GABRG3: variants seen among roughly 807,000 people sequenced by gnomAD.
GABRG3 encodes the protein gamma-aminobutyric acid receptor subunit gamma-3.
In GABRG3, 25 loss-of-function variants were observed where a neutral mutation model predicts 48.8. The observed-to-expected ratio is 0.51, with a 90% CI of 0.37 to 0.72. GABRG3 has a LOEUF of 0.72. Ranked by LOEUF, GABRG3 falls within the 30% of genes least tolerant of loss-of-function variation. The pLI is 0.00. For synonymous variants in GABRG3, 227 were observed against 217.6 expected (o/e 1.04, Z -0.38); for missense variants, 394 against 577.9 (o/e 0.68, Z 3.26).
At chr15:27,393,628 G>A (rs55822510) in intron 5 of GABRG3, among the ~76,000 whole-genome samples, 14,559 of 152,140 alleles carry the variant, frequency 0.096, 743 homozygotes, top group East Asian at 0.15. Flanking sequence ...ATAGAATCCT[G>A]GCTTTCCATT....
At chr15:27,222,473 C>G (rs1004642515) in intron 3 of GABRG3, among the ~76,000 whole-genome samples, 2 of 152,204 alleles carry the variant, frequency 1.3e-5, no homozygotes, top group Non-Finnish European at 2.9e-5. Flanking sequence ...CACAAGCAAA[C>G]TCCTTATTTT....
chr15:27,100,322 A>G (rs1194976512), intron 3 of GABRG3, among the ~76,000 whole-genome samples: 1 of 152,202 alleles, frequency 6.6e-6, no homozygotes, highest in Non-Finnish European at 1.5e-5. Context: ...CCGATTAAGT[A>G]ATTGAATTAG....
chr15:27,079,447 A>T (rs1273919147), intron 3 of GABRG3, among the ~76,000 whole-genome samples: 1 of 152,210 alleles, frequency 6.6e-6, no homozygotes, highest in Non-Finnish European at 1.5e-5. Context: ...TGTGATTTTC[A>T]TACAGAAGCC....
chr15:27,128,991 A>G (rs967121726), intron 3 of GABRG3, among the ~76,000 whole-genome samples: 1 of 152,234 alleles, frequency 6.6e-6, no homozygotes, highest in African/African-American at 2.4e-5. Flanking sequence ...ACTAAAAATA[A>G]TTTAAGTCAA....
intron 5 of GABRG3, among the ~76,000 whole-genome samples, chr15:27,348,096 C>T (rs961641671): frequency 1.4e-5 from 2 of 142,480 alleles, no homozygotes; most frequent in African/African-American, 5.4e-5. Flanking sequence ...GCGGAGGTCA[C>T]AGTGAGCCGA....
At chr15:27,172,262 A>G (rs185243574) in intron 3 of GABRG3, among the ~76,000 whole-genome samples, 17 of 152,268 alleles carry the variant, frequency 1.1e-4, no homozygotes, top group Admixed American at 1.1e-3. Context: ...CATGGAAGGA[A>G]GTGTTATGAT....
In GABRG3 at chr15:27,241,969, A is replaced by T. The variant is rs550390687; in HGVS notation, c.271-84840A>T. On this transcript the variant is annotated intron_variant, in intron 3 of 9. Coordinates refer to ENST00000615808, the MANE Select transcript of GABRG3 (RefSeq NM_033223.5). ...GACTGAATATCAGTGGCTTAACCAT[A>T]CAAGTGGTTATTCTTCCAGAGGATG... Among the ~76,000 whole-genome samples, 89 of 152,354 alleles carry T rather than the reference A, an allele frequency of 5.8e-4. 1 individual carries two copies. The highest frequency in any genetic ancestry group is 6.8e-3 in the Middle Eastern group (2 of 294).
intron 5 of GABRG3, among the ~76,000 whole-genome samples, chr15:27,369,697 C>T (rs1429571737): frequency 6.6e-6 from 1 of 150,734 alleles, no homozygotes; most frequent in East Asian, 2.0e-4. Context: ...GTCCCAGCTA[C>T]TCAGGAGGCT....
intron 3 of GABRG3, among the ~76,000 whole-genome samples, chr15:27,161,482 G>A (rs6606880): frequency 6.6e-6 from 1 of 151,930 alleles, no homozygotes; most frequent in African/African-American, 2.4e-5. Flanking sequence ...GTCTGCATAC[G>A]TTTTTAATGA....
At position 27,540,666 on chromosome 15, in the gene GABRG3, C is replaced by T. The variant is rs1300847084; in HGVS notation, c.*7785C>T. ...TTTACCTGCTCACACGTTTGTACAA[C>T]TACACAATGTGTTTTCCTTTACGTG... On this transcript the variant is annotated 3_prime_UTR_variant, in exon 10 of 10. Coordinates refer to ENST00000615808, the MANE Select transcript of GABRG3 (RefSeq NM_033223.5). 1 of 152,222 alleles carries T rather than the reference C, an allele frequency of 6.6e-6. No individual in the cohort carries two copies. The highest frequency in any genetic ancestry group is 2.4e-5 in the African/African-American group (1 of 41,448). The allele number at this position is 152,222 out of a possible 1,614,324, so 9.4% of individuals were successfully genotyped here.
At chr15:27,309,503 T>TA (rs1595666984) in intron 3 of GABRG3, among the ~76,000 whole-genome samples, 1 of 151,900 alleles carries the variant, frequency 6.6e-6, no homozygotes, top group East Asian at 1.9e-4. Flanking sequence ...AAAAACTTGG[T>TA]AAAAGGCATG....
intron 3 of GABRG3, among the ~76,000 whole-genome samples, chr15:27,292,104 A>G (rs1031361743): frequency 2.0e-5 from 3 of 152,194 alleles, no homozygotes; most frequent in Admixed American, 2.0e-4. Flanking sequence ...ATGTCCCTGC[A>G]AAGGACATGA....
intron 3 of GABRG3, among the ~76,000 whole-genome samples, chr15:27,090,254 A>T (rs1052893992): frequency 2.0e-5 from 3 of 152,238 alleles, no homozygotes; most frequent in Non-Finnish European, 2.9e-5. Flanking sequence ...AGGCTAATAA[A>T]GAGCTCTGAG....
intron 3 of GABRG3, among the ~76,000 whole-genome samples, chr15:27,068,097 T>G (rs991163613): frequency 6.6e-6 from 1 of 152,186 alleles, no homozygotes. Flanking sequence ...GAGGGGTTGC[T>G]GCAGAGCTGC....
intron 3 of GABRG3, among the ~76,000 whole-genome samples, chr15:27,146,172 C>T (rs1172045212): frequency 6.6e-6 from 1 of 152,128 alleles, no homozygotes; most frequent in Non-Finnish European, 1.5e-5. Flanking sequence ...AAGAAATAAC[C>T]TGCCAGGCAC....
chr15:27,182,543 C>T (rs1343857988), intron 3 of GABRG3, among the ~76,000 whole-genome samples: 2 of 152,166 alleles, frequency 1.3e-5, no homozygotes, highest in Non-Finnish European at 2.9e-5. Flanking sequence ...TAGAATTGGA[C>T]ACCCCTGGGC....
chr15:27,489,103 C>T (rs890171616), intron 6 of GABRG3, among the ~76,000 whole-genome samples: 1 of 151,884 alleles, frequency 6.6e-6, no homozygotes, highest in African/African-American at 2.4e-5. Context: ...TGTTCAACTC[C>T]CACTTATGAG....
At chr15:27,338,845 T>C (rs1228243915) in intron 5 of GABRG3, among the ~76,000 whole-genome samples, 1 of 152,262 alleles carries the variant, frequency 6.6e-6, no homozygotes, top group Non-Finnish European at 1.5e-5. Flanking sequence ...CAGCAAACTG[T>C]ATTTCATTCT....
intron 3 of GABRG3, among the ~76,000 whole-genome samples, chr15:27,308,727 G>A (rs1233593552): frequency 6.7e-6 from 1 of 148,704 alleles, no homozygotes; most frequent in East Asian, 2.1e-4. Context: ...TAAACATAAT[G>A]TAAACATACG....
Sources: allele counts gnomAD v4.1 joint callset (sites outside exome capture counted in the v4.1 genomes callset), GRCh38; gene constraint gnomAD v4.1.1; transcripts MANE v1.5; gene names NCBI Gene and HGNC (gene_info 2026-07-23, HGNC 2026-07-21).